Variants in PRKCE observed in about 807,000 individuals in gnomAD.
The protein encoded by PRKCE is protein kinase C epsilon.
In PRKCE, 16 loss-of-function variants were observed where a neutral mutation model predicts 85.4. That is an observed-to-expected ratio of 0.19 (90% CI 0.13 to 0.28). The LOEUF (loss-of-function observed/expected upper bound fraction) is 0.28, where lower values mean the gene tolerates loss of function less well. Among genes scored for constraint, PRKCE ranks in the 10% least tolerant of loss-of-function variants. PRKCE has a pLI of 1.00. For synonymous variants in PRKCE, 388 were observed against 371.5 expected (o/e 1.04, Z -0.51); for missense variants, 573 against 975.2 (o/e 0.59, Z 5.49).
intron 2 of PRKCE, among the ~76,000 whole-genome samples, chr2:45,854,116 C>G (rs187637370): frequency 1.1e-3 from 170 of 152,316 alleles, no homozygotes; most frequent in African/African-American, 3.8e-3. Context: ...CTTGCCCCAT[C>G]TAAGGGCACA....
chr2:46,081,387 A>G (rs530667840), intron 10 of PRKCE, among the ~76,000 whole-genome samples: 20 of 152,216 alleles, frequency 1.3e-4, no homozygotes, highest in Non-Finnish European at 2.2e-4. Flanking sequence ...CTTCTCTTTC[A>G]GGTTAGTTCA....
At chr2:45,713,274 C>T (rs1679818365) in intron 1 of PRKCE, among the ~76,000 whole-genome samples, 1 of 152,170 alleles carries the variant, frequency 6.6e-6, no homozygotes, top group Non-Finnish European at 1.5e-5. Flanking sequence ...CAGCTGATCA[C>T]CTTGCCAGAT....
intron 11 of PRKCE, among the ~76,000 whole-genome samples, chr2:46,113,018 C>T (rs571787367): frequency 6.6e-6 from 1 of 152,258 alleles, no homozygotes; most frequent in South Asian, 2.1e-4. Flanking sequence ...GATTGTGAGG[C>T]TTAAATAGGA....
chr2:45,806,524 C>T (rs1688255965), intron 1 of PRKCE, among the ~76,000 whole-genome samples: 1 of 152,220 alleles, frequency 6.6e-6, no homozygotes, highest in Non-Finnish European at 1.5e-5. Context: ...TCACCACCAT[C>T]TATCCACAAA....
chr2:45,893,562 T>C (rs561129376), intron 2 of PRKCE, among the ~76,000 whole-genome samples: 2 of 152,052 alleles, frequency 1.3e-5, no homozygotes, highest in East Asian at 3.9e-4. Context: ...GAGACAGAGT[T>C]TCACCATGTT....
At chr2:46,034,946 A>G (rs1707766430) in intron 10 of PRKCE, among the ~76,000 whole-genome samples, 1 of 152,230 alleles carries the variant, frequency 6.6e-6, no homozygotes, top group Non-Finnish European at 1.5e-5. Context: ...TGATAGCCCT[A>G]CTATGTGTGG....
chr2:45,807,753 A>C (rs78080841), intron 1 of PRKCE, among the ~76,000 whole-genome samples: 2,229 of 152,138 alleles, frequency 0.015, 62 homozygotes, highest in African/African-American at 0.051. Flanking sequence ...CCCCCATCTC[A>C]GACCTCCTGA....
rs1012386942 is a variant in PRKCE, at chr2:45,807,960, T to C, written c.349-35040T>C. Among the ~76,000 whole-genome samples, 5 of 151,740 alleles carry C rather than the reference T, an allele frequency of 3.3e-5. 1 individual carries two copies. The highest frequency in any genetic ancestry group is 1.2e-4 in the African/African-American group (5 of 41,286). ...GAAAATTCGAAGGGTATTTCTACTC[T>C]CCCTCCCTTGCTGTGCCACCCCCTG... On this transcript the variant is annotated intron_variant, in intron 1 of 14. Transcript: ENST00000306156.
chr2:45,890,600 C>A (rs935802723), intron 2 of PRKCE, among the ~76,000 whole-genome samples: 1 of 152,022 alleles, frequency 6.6e-6, no homozygotes, highest in South Asian at 2.1e-4. Context: ...AGGCTGGTCT[C>A]GAACTCCTGG....
intron 10 of PRKCE, among the ~76,000 whole-genome samples, chr2:46,040,683 G>A (rs573702813): frequency 6.6e-6 from 1 of 152,298 alleles, no homozygotes; most frequent in African/African-American, 2.4e-5. Flanking sequence ...CTGAGCTAGA[G>A]TTTAGAATTT....
intron 10 of PRKCE, among the ~76,000 whole-genome samples, chr2:46,061,650 C>A (rs972291884): frequency 2.0e-5 from 3 of 151,940 alleles, no homozygotes; most frequent in African/African-American, 7.3e-5. Flanking sequence ...AGCTGGGGGC[C>A]AACCCCCAAG....
intron 2 of PRKCE, among the ~76,000 whole-genome samples, chr2:45,872,167 G>T (rs1313782462): frequency 6.6e-6 from 1 of 152,168 alleles, no homozygotes; most frequent in African/African-American, 2.4e-5. Context: ...TGAACTGTAG[G>T]GGGTGGGGAT....
At chr2:46,071,206 C>T (rs898635589) in intron 10 of PRKCE, among the ~76,000 whole-genome samples, 2 of 152,188 alleles carry the variant, frequency 1.3e-5, no homozygotes, top group East Asian at 3.8e-4. Context: ...ATAATGTTAA[C>T]GTATTTCATT....
intron 10 of PRKCE, among the ~76,000 whole-genome samples, chr2:46,042,652 G>A (rs1708281442): frequency 6.6e-6 from 1 of 152,222 alleles, no homozygotes; most frequent in African/African-American, 2.4e-5. Context: ...GCCCTGAGTG[G>A]TATTCTCTTA....
intron 1 of PRKCE, among the ~76,000 whole-genome samples, chr2:45,828,410 A>G (rs1400893612): frequency 6.6e-6 from 1 of 152,202 alleles, no homozygotes; most frequent in Non-Finnish European, 1.5e-5. Flanking sequence ...AAAAAAATAA[A>G]ATAAAAATCT....
At position 45,965,284 on chromosome 2, in the gene PRKCE, G is replaced by C. The variant is rs567176191; in HGVS notation, c.413-11145G>C. Among the ~76,000 whole-genome samples, 22 of 152,306 alleles carry C rather than the reference G, an allele frequency of 1.4e-4. 2 individuals are homozygous for C. The highest frequency in any genetic ancestry group is 3.4e-3 in the Middle Eastern group (1 of 294). On this transcript the variant is annotated intron_variant, in intron 2 of 14. Transcript: ENST00000306156. ...ATTTACACAATATTTAAAACTCACTGTCATGAAGTATTTATTTCACTTGCA... is the reference window on the plus strand; with the variant it reads ...ATTTACACAATATTTAAAACTCACTCTCATGAAGTATTTATTTCACTTGCA...
intron 2 of PRKCE, among the ~76,000 whole-genome samples, chr2:45,966,436 A>G (rs1701736130): frequency 6.6e-6 from 1 of 152,196 alleles, no homozygotes; most frequent in Non-Finnish European, 1.5e-5. Context: ...AATCATGCTC[A>G]GCATCTGGCA....
intron 14 of PRKCE, among the ~76,000 whole-genome samples, chr2:46,175,292 T>C (rs977340434): frequency 6.6e-6 from 1 of 152,298 alleles, no homozygotes; most frequent in Non-Finnish European, 1.5e-5. Context: ...GGGAGATAAA[T>C]GCACACAGGT....
intron 1 of PRKCE, among the ~76,000 whole-genome samples, chr2:45,828,579 A>C (rs1690146604): frequency 6.6e-6 from 1 of 152,186 alleles, no homozygotes; most frequent in South Asian, 2.1e-4. Flanking sequence ...AATTTAAAAT[A>C]ATTTGTCTCA....
Sources: gnomAD v4.1 joint callset for allele counts (sites outside exome capture counted in the v4.1 genomes callset) on GRCh38, gnomAD v4.1.1 for gene constraint, MANE v1.5 for transcripts, NCBI Gene and HGNC (gene_info 2026-07-23, HGNC 2026-07-21) for gene names.